The following PERCC1 variants were observed in gnomAD, a reference collection of about 807,000 sequenced individuals.
PERCC1 encodes proline and glutamate rich with coiled coil 1.
chr16:1,432,238 C>T (rs1365621130), intron 1 of PERCC1, among the ~76,000 whole-genome samples: 2 of 152,200 alleles, frequency 1.3e-5, no homozygotes, highest in Admixed American at 6.5e-5. Flanking sequence ...CCAACTGCCC[C>T]CCACGACAGG....
At chr16:1,432,111 C>T (rs1187656118) in intron 1 of PERCC1, among the ~76,000 whole-genome samples, 1 of 152,060 alleles carries the variant, frequency 6.6e-6, no homozygotes, top group African/African-American at 2.4e-5. Flanking sequence ...CTGCAGGGAT[C>T]CCTGTTCCCC....
rs1167134507 is a variant in PERCC1, at chr16:1,431,359, G to T, written c.-48+251G>T. Reference sequence around the variant, plus strand: ...GCGCTCAGGACACTGGATGCCTCCTGCGAGGGGGACCCCAGTACTTCAGTG... The same window carrying T: ...GCGCTCAGGACACTGGATGCCTCCTTCGAGGGGGACCCCAGTACTTCAGTG... On this transcript the variant is annotated intron_variant, in intron 1 of 1. Coordinates refer to ENST00000640283, the MANE Select transcript of PERCC1 (RefSeq NM_001365310.2). Among the ~76,000 whole-genome samples the T allele has an allele frequency of 2.6e-5, 4 of 152,222 alleles. No individual in the cohort carries two copies. The East Asian group carries it at 7.7e-4, about 29-fold the overall frequency.
Position 1,433,053 on chromosome 16 carries a change from C to A in PERCC1, c.460C>A (p.Pro154Thr). Residue 154 changes from proline (P) to threonine (T), a missense_variant, in exon 2 of 2, where the codon CCC becomes ACC. Physicochemically the swap from Pro to Thr is conservative, Grantham distance 38 (BLOSUM62 -1). Transcript: ENST00000640283. ...CGAGGACACCCCGGAGCCCAGGGTA[C>A]CCCAAGGGCAGGTGTGCAGGCCGGG... ...EDEDTPEPRV[P>T]QGQVCRPGLS... 2.5e-6 allele frequency: 1 copy of A among 398,652 alleles called. No individual in the cohort carries two copies. The highest frequency in any genetic ancestry group is 4.4e-6 in the Non-Finnish European group (1 of 226,032). 24.7% of individuals were successfully genotyped at this position (398,652 alleles called of 1,614,324 possible).
intron 1 of PERCC1, 22 bp from the exon 2 acceptor site, chr16:1,432,525 G>GC: frequency 2.5e-6 from 1 of 398,698 alleles, no homozygotes; most frequent in Non-Finnish European, 4.4e-6. Flanking sequence ...CAGGGAACCT[G>GC]CCCCTCTGTC....
In PERCC1 at chr16:1,433,855, G is replaced by C. The variant is rs935082564; in HGVS notation, c.*458G>C. 5.9e-5 allele frequency among the ~76,000 whole-genome samples: 9 copies of C among 152,244 alleles called. 1 individual carries two copies. ...CTCCCCTGAGCCCCCGGCAGCAGAC[G>C]GCAGGGCCGGCGACCGCGGGATGAG... On this transcript the variant is annotated 3_prime_UTR_variant, in exon 2 of 2. Coordinates refer to ENST00000640283, the MANE Select transcript of PERCC1 (RefSeq NM_001365310.2).
Position 1,433,810 on chromosome 16 carries a change from C to T in PERCC1, c.*413C>T, listed in dbSNP as rs1004732080. Among the ~76,000 whole-genome samples the T allele has an allele frequency of 2.0e-5, 3 of 152,216 alleles. No homozygotes were observed. Among genetic ancestry groups the T allele is most frequent in the South Asian group, 2.1e-4 (1 of 4,832 alleles). On this transcript the variant is annotated 3_prime_UTR_variant, in exon 2 of 2. Transcript: ENST00000640283. ...ATCCCACCGAACCCCTAGGACTAAG[C>T]GGCCCGGAACCTGTGGCCCCTCCCC...
At position 1,433,444 on chromosome 16, in the gene PERCC1, A is replaced by G; in HGVS notation, c.*47A>G. 2.5e-6 allele frequency: 1 copy of G among 398,548 alleles called. No homozygotes were observed. Among genetic ancestry groups the G allele is most frequent in the Non-Finnish European group, 4.4e-6 (1 of 226,078 alleles). The allele number at this position is 398,548 out of a possible 1,614,324, so 24.7% of individuals were successfully genotyped here. ...AGCTGGCGGCAGCAGGGCCACCCCT[A>G]AGGCACTGGACTCTCCTCCCATCCT... On this transcript the variant is annotated 3_prime_UTR_variant, in exon 2 of 2. Transcript: ENST00000640283.
chr16:1,433,165 C>T lies in PERCC1; in HGVS notation c.572C>T (p.Ala191Val), dbSNP rs547009666. Residue 191 changes from alanine to valine, a missense_variant, in exon 2 of 2, where the codon GCG becomes GTG. Coordinates refer to ENST00000640283, the MANE Select transcript of PERCC1 (RefSeq NM_001365310.2). ...CAGCAGTACTGGGGGTCCAGGGCAG[C>T]GGCCGGCTGGAGCCTGACGCTGGAG... ...GLQQYWGSRA[A>V]AGWSLTLERK... The T allele has an allele frequency of 7.4e-4, 295 of 398,616 alleles. No individual in the cohort carries two copies. The highest frequency in any genetic ancestry group is 1.1e-3 in the East Asian group (32 of 28,078). 24.7% of individuals were successfully genotyped at this position (398,616 alleles called of 1,614,324 possible).
chr16:1,431,606 C>T (rs1204085816), intron 1 of PERCC1, among the ~76,000 whole-genome samples: 5 of 151,950 alleles, frequency 3.3e-5, no homozygotes, highest in Admixed American at 2.6e-4. Context: ...TCCCTCCGCC[C>T]TCCTGCCACA....
In PERCC1 at chr16:1,433,016, G is replaced by T. The variant is rs1413628876; in HGVS notation, c.423G>T (p.Gly141=). Residue 141 remains glycine (G), a synonymous_variant, in exon 2 of 2, where the codon GGG becomes GGT. Transcript: ENST00000640283. ...ACCTGGTGCGCCTGGCCCGTGGCGG[G>T]TCCCTGGAGGACGAGGACACCCCGG... The part of the protein sequence containing the change: ...YADLVRLARG[G]SLEDEDTPEP... The T allele has an allele frequency of 2.5e-6, 1 of 398,716 alleles. No homozygotes were observed. The highest frequency in any genetic ancestry group is 4.4e-6 in the Non-Finnish European group (1 of 226,046). 24.7% of individuals were successfully genotyped at this position (398,716 alleles called of 1,614,324 possible).
At chr16:1,431,948 G>A (rs1003185955) in intron 1 of PERCC1, among the ~76,000 whole-genome samples, 10 of 152,280 alleles carry the variant, frequency 6.6e-5, no homozygotes, top group South Asian at 2.1e-4. Context: ...TGTGATGGCC[G>A]GAAGAACCCC....
chr16:1,431,473 G>A (rs1270613232), intron 1 of PERCC1, among the ~76,000 whole-genome samples: 1 of 152,036 alleles, frequency 6.6e-6, no homozygotes, highest in Non-Finnish European at 1.5e-5. Context: ...CTGACCCCGA[G>A]GAAAGCCTGT....
Position 1,433,406 on chromosome 16 carries a change from C to T in PERCC1, c.*9C>T, listed in dbSNP as rs1039863677. 8 of 398,554 alleles carry T rather than the reference C, an allele frequency of 2.0e-5. No homozygotes were observed. The highest frequency in any genetic ancestry group is 3.6e-5 in the East Asian group (1 of 28,078). The allele number at this position is 398,554 out of a possible 1,614,324, so 24.7% of individuals were successfully genotyped here. A position where few individuals can be genotyped will look rare whatever the true frequency, so the allele number is the denominator to read the frequency against. On this transcript the variant is annotated 3_prime_UTR_variant, in exon 2 of 2. Coordinates refer to ENST00000640283, the MANE Select transcript of PERCC1 (RefSeq NM_001365310.2). Reference sequence around the variant, plus strand: ...GGCCAGCCGAGGCCTAGCGAAGCGCCGGGGTCAGAGCTAGCTGGCGGCAGC... The same window carrying T: ...GGCCAGCCGAGGCCTAGCGAAGCGCTGGGGTCAGAGCTAGCTGGCGGCAGC...
chr16:1,433,013 C>T lies in PERCC1; in HGVS notation c.420C>T (p.Gly140=), dbSNP rs1363566058. Residue 140 remains glycine (G), a synonymous_variant, in exon 2 of 2, where the codon GGC becomes GGT. Transcript: ENST00000640283. ...CGGACCTGGTGCGCCTGGCCCGTGG[C>T]GGGTCCCTGGAGGACGAGGACACCC... ...YYADLVRLAR[G]GSLEDEDTPE... 5 of 398,614 alleles carry T rather than the reference C, an allele frequency of 1.3e-5. No homozygotes were observed. The highest frequency in any genetic ancestry group is 4.4e-5 in the Admixed American group (1 of 22,716). The allele number at this position is 398,614 out of a possible 1,614,324, so 24.7% of individuals were successfully genotyped here. A position where few individuals can be genotyped will look rare whatever the true frequency, so the allele number is the denominator to read the frequency against.
Position 1,433,497 on chromosome 16 carries a change from C to T in PERCC1, c.*100C>T, listed in dbSNP as rs973897761. On this transcript the variant is annotated 3_prime_UTR_variant, in exon 2 of 2. Transcript: ENST00000640283. ...TGGGAAGAGCCTCCTCCGTCCCTCG[C>T]GGCCACCACAGGGCAAACCCAGAGG... The T allele has an allele frequency of 2.8e-5, 11 of 397,978 alleles. No homozygotes were observed. The highest frequency in any genetic ancestry group is 1.2e-4 in the African/African-American group (6 of 48,638). The allele number at this position is 397,978 out of a possible 1,614,324, so 24.7% of individuals were successfully genotyped here. A position where few individuals can be genotyped will look rare whatever the true frequency, so the allele number is the denominator to read the frequency against.
Position 1,434,405 on chromosome 16 carries a change from C to T in PERCC1, c.*1008C>T, listed in dbSNP as rs1012371981. The T allele has an allele frequency of 2.1e-5, 32 of 1,550,074 alleles. No homozygotes were observed. Among genetic ancestry groups the T allele is most frequent in the Admixed American group, 1.2e-4 (6 of 50,972 alleles). ...AGCTCTAATGAGTACAAAGCCAGCACGTTTATTTCTGGATAAACAGTGAGG... is the reference window on the plus strand; with the variant it reads ...AGCTCTAATGAGTACAAAGCCAGCATGTTTATTTCTGGATAAACAGTGAGG... On this transcript the variant is annotated 3_prime_UTR_variant, in exon 2 of 2. Transcript: ENST00000640283.
rs930651083 is a variant in PERCC1 at position 1,434,110 on chromosome 16, G to A, written c.*713G>A. 1.3e-5 allele frequency among the ~76,000 whole-genome samples: 2 copies of A among 152,210 alleles called. No individual in the cohort carries two copies. Among genetic ancestry groups the A allele is most frequent in the African/African-American group, 4.8e-5 (2 of 41,456 alleles). ...GGTCCTGGCGGGGGCAGGCCTAGGT[G>A]CTTCTGCGCAGGCCCTAGCCAAGCC... On this transcript the variant is annotated 3_prime_UTR_variant, in exon 2 of 2. Transcript: ENST00000640283.
In PERCC1 at chr16:1,434,409, T is replaced by C; in HGVS notation, c.*1012T>C. 1 of 1,550,256 alleles carries C rather than the reference T, an allele frequency of 6.5e-7. No homozygotes were observed. Among genetic ancestry groups the C allele is most frequent in the Non-Finnish European group, 8.7e-7 (1 of 1,146,838 alleles). On this transcript the variant is annotated 3_prime_UTR_variant, in exon 2 of 2. Coordinates refer to ENST00000640283, the MANE Select transcript of PERCC1 (RefSeq NM_001365310.2). Reference sequence around the variant, plus strand: ...CTAATGAGTACAAAGCCAGCACGTTTATTTCTGGATAAACAGTGAGGGTGT... The same window carrying C: ...CTAATGAGTACAAAGCCAGCACGTTCATTTCTGGATAAACAGTGAGGGTGT...
Position 1,433,264 on chromosome 16 carries a change from G to GC in PERCC1, c.676dup (p.Leu226ProfsTer25), listed in dbSNP as rs2038467935. On this transcript the variant is annotated frameshift_variant, in exon 2 of 2. Coordinates refer to ENST00000640283, the MANE Select transcript of PERCC1 (RefSeq NM_001365310.2). LOFTEE classifies it low-confidence loss of function (END_TRUNC). ...TCCTTCTGGAAGGAGCCGACCCCTA[G>GC]CCCCCTGGGCCTGCTGCACCCTGGC... The GC allele has an allele frequency of 5.0e-6, 2 of 398,812 alleles. No homozygotes were observed. The highest frequency in any genetic ancestry group is 7.1e-5 in the East Asian group (2 of 28,078). The allele number at this position is 398,812 out of a possible 1,614,324, so 24.7% of individuals were successfully genotyped here. A position where few individuals can be genotyped will look rare whatever the true frequency, so the allele number is the denominator to read the frequency against.
Sources: allele counts gnomAD v4.1 joint callset (sites outside exome capture counted in the v4.1 genomes callset), GRCh38; gene constraint gnomAD v4.1.1; transcripts MANE v1.5; gene names NCBI Gene and HGNC (gene_info 2026-07-23, HGNC 2026-07-21).